Variants in BTBD10 observed in about 807,000 individuals in gnomAD.
BTBD10 encodes BTB domain containing 10, also known as BTB/POZ domain-containing protein 10.
Under a neutral mutation model 53.2 loss-of-function variants are expected in BTBD10, and 21 were observed. The ratio of observed to expected loss-of-function variants is 0.39; its 90% confidence interval spans 0.28 to 0.57. The LOEUF is 0.57. BTBD10 is among the 20% of genes least tolerant of loss of function. The pLI is 0.53. For synonymous variants in BTBD10, 149 were observed against 192.7 expected (o/e 0.77, Z 1.88); for missense variants, 360 against 594.7 (o/e 0.61, Z 4.10).
rs77633974 is a variant in BTBD10 at position 13,417,871 on chromosome 11, G to T, written c.585-611C>A. Among the ~76,000 whole-genome samples, 1,240 of 152,162 alleles carry T rather than the reference G, an allele frequency of 8.1e-3. 20 individuals carry two copies. Among genetic ancestry groups the T allele is most frequent in the African/African-American group, 0.028 (1,156 of 41,542 alleles). ...AGAAATAAGACAAGGGCAAGTTTAA[G>T]AAAATAAATTTAAAAAGCTCTTATG... is the stretch of plus-strand genomic sequence containing the variant. On this transcript the variant is annotated intron_variant, in intron 4 of 8. Coordinates refer to ENST00000278174, the MANE Select transcript of BTBD10 (RefSeq NM_032320.7).
intron 7 of BTBD10, among the ~76,000 whole-genome samples, chr11:13,403,967 T>A (rs1213782968): frequency 1.3e-5 from 2 of 152,310 alleles, no homozygotes; most frequent in East Asian, 1.9e-4. Flanking sequence ...CTGATGGACA[T>A]TCCTCGCCTT....
chr11:13,440,523 A>T (rs1389448320), intron 2 of BTBD10, among the ~76,000 whole-genome samples: 4 of 152,222 alleles, frequency 2.6e-5, no homozygotes, highest in Admixed American at 6.5e-5. Context: ...AGCTCTTTAA[A>T]ATCAAAGAGA....
chr11:13,441,909 A>T (rs1203291891), intron 2 of BTBD10, among the ~76,000 whole-genome samples: 2 of 152,142 alleles, frequency 1.3e-5, no homozygotes, highest in Non-Finnish European at 2.9e-5. Flanking sequence ...CTAGCCAATG[A>T]CTGGTTTATA....
chr11:13,419,130 T>C (rs999957834), intron 4 of BTBD10, among the ~76,000 whole-genome samples: 3 of 152,124 alleles, frequency 2.0e-5, no homozygotes, highest in Non-Finnish European at 4.4e-5. Context: ...AAACATATTA[T>C]CATTGCTAAA....
chr11:13,454,587 T>A (rs1356560876), intron 1 of BTBD10, among the ~76,000 whole-genome samples: 2 of 152,152 alleles, frequency 1.3e-5, no homozygotes, highest in Non-Finnish European at 2.9e-5. Flanking sequence ...TATGGTGGCA[T>A]GCACCTATAA....
intron 2 of BTBD10, among the ~76,000 whole-genome samples, chr11:13,429,936 T>C (rs1330782694): frequency 1.4e-5 from 2 of 146,926 alleles, no homozygotes; most frequent in East Asian, 2.0e-4. Context: ...AGACCATTTC[T>C]ACAAAAAAAT....
In BTBD10 at chr11:13,388,736, C is replaced by G; in HGVS notation, c.*95G>C. On this transcript the variant is annotated 3_prime_UTR_variant, in exon 9 of 9. Coordinates refer to ENST00000278174, the MANE Select transcript of BTBD10 (RefSeq NM_032320.7). ...ATATCCTAAACATTGTTATGTGCAT[C>G]TCACAATGAAGAAGAGTGGCCTTGC... 1 of 1,306,258 alleles carries G rather than the reference C, an allele frequency of 7.7e-7. No homozygotes were observed. Among genetic ancestry groups the G allele is most frequent in the Non-Finnish European group, 1.1e-6 (1 of 944,730 alleles). 80.9% of individuals were successfully genotyped at this position (1,306,258 alleles called of 1,614,324 possible).
chr11:13,448,868 T>TA (rs1950797459), intron 1 of BTBD10, among the ~76,000 whole-genome samples: 1 of 152,210 alleles, frequency 6.6e-6, no homozygotes, highest in Non-Finnish European at 1.5e-5. Flanking sequence ...TTGGATCTTG[T>TA]AATCATCAAA....
intron 2 of BTBD10, among the ~76,000 whole-genome samples, chr11:13,432,829 A>G (rs76272680): frequency 0.016 from 2,488 of 152,154 alleles, 55 homozygotes; most frequent in Non-Finnish European, 0.021. Context: ...ATAAGACAGC[A>G]TTAAAAAAGA....
At position 13,393,480 on chromosome 11, in the gene BTBD10, T is replaced by G. The variant is rs190812005; in HGVS notation, c.1118-4339A>C. 8.5e-5 allele frequency among the ~76,000 whole-genome samples: 13 copies of G among 152,270 alleles called. No homozygotes were observed. In the East Asian group the frequency reaches 2.5e-3, roughly 29 times the overall value. On this transcript the variant is annotated intron_variant, in intron 8 of 8. Transcript: ENST00000278174. Reference sequence around the variant, plus strand: ...ATGGCTAACTCGGAAATCTCAATTTTTTTTCTGTAATTCCAGGAAAGTCTC... The same window carrying G: ...ATGGCTAACTCGGAAATCTCAATTTGTTTTCTGTAATTCCAGGAAAGTCTC...
At chr11:13,407,939 T>C (rs1949864924) in intron 6 of BTBD10, among the ~76,000 whole-genome samples, 1 of 152,200 alleles carries the variant, frequency 6.6e-6, no homozygotes, top group Admixed American at 6.5e-5. Context: ...AGGTATTCTG[T>C]TTGACATTCC....
At chr11:13,395,230 C>G (rs1949512547) in intron 8 of BTBD10, among the ~76,000 whole-genome samples, 1 of 151,720 alleles carries the variant, frequency 6.6e-6, no homozygotes, top group African/African-American at 2.4e-5. Flanking sequence ...TTAATGATTG[C>G]CATTCTAACT....
chr11:13,449,568 C>T lies in BTBD10; in HGVS notation c.-57-4387G>A, dbSNP rs114022226. ...TTAAACCTCAGCCATCTTGTGGCTT[C>T]ATCCAGCCTACTAAAATCTTACTCT... On this transcript the variant is annotated intron_variant, in intron 1 of 8. Coordinates refer to ENST00000278174, the MANE Select transcript of BTBD10 (RefSeq NM_032320.7). Among the ~76,000 whole-genome samples the T allele has an allele frequency of 6.8e-3, 1,036 of 152,136 alleles. 14 individuals carry two copies. Among genetic ancestry groups the T allele is most frequent in the African/African-American group, 0.024 (991 of 41,510 alleles).
At chr11:13,417,371 G>A in intron 4 of BTBD10, 111 bp from the exon 5 acceptor site, 3 of 682,300 alleles carry the variant, frequency 4.4e-6, no homozygotes, top group Non-Finnish European at 6.9e-6. Context: ...TTTAGTTCAA[G>A]AATTTTTATC....
chr11:13,391,017 T>C (rs1227775391), intron 8 of BTBD10, among the ~76,000 whole-genome samples: 1 of 152,228 alleles, frequency 6.6e-6, no homozygotes, highest in Non-Finnish European at 1.5e-5. Context: ...AGAAAGACTT[T>C]AAAATTCCCA....
chr11:13,458,135 CAA>C (rs35036994), intron 1 of BTBD10, among the ~76,000 whole-genome samples: 90 of 62,890 alleles, frequency 1.4e-3, no homozygotes, highest in East Asian at 4.3e-3. Flanking sequence ...GACTCCATCT[CAA>C]AAAAAAAAAA....
At chr11:13,421,553 T>G in intron 3 of BTBD10, 89 bp downstream of exon 3, 1 of 1,163,686 alleles carries the variant, frequency 8.6e-7, no homozygotes, top group Non-Finnish European at 1.2e-6. Context: ...TACTCTGCAG[T>G]ATTAGGCACA....
At chr11:13,395,900 C>G (rs941638403) in intron 8 of BTBD10, among the ~76,000 whole-genome samples, 2 of 152,116 alleles carry the variant, frequency 1.3e-5, no homozygotes, top group African/African-American at 4.8e-5. Flanking sequence ...TGGTCTGTAT[C>G]TCTGTTTTGG....
chr11:13,454,827 G>C (rs1391542730), intron 1 of BTBD10, among the ~76,000 whole-genome samples: 3 of 152,004 alleles, frequency 2.0e-5, no homozygotes, highest in South Asian at 4.1e-4. Context: ...AACTGCTAGG[G>C]AGACTCTAAC....
Sources: gnomAD v4.1 joint callset for allele counts (sites outside exome capture counted in the v4.1 genomes callset) on GRCh38, gnomAD v4.1.1 for gene constraint, MANE v1.5 for transcripts, NCBI Gene and HGNC (gene_info 2026-07-23, HGNC 2026-07-21) for gene names.